CFAP221: variants seen among roughly 807,000 people sequenced by gnomAD.
The protein encoded by CFAP221 is cilia- and flagella-associated protein 221.
A neutral mutation model predicts 113.1 loss-of-function variants in CFAP221; 97 were observed. The observed-to-expected ratio is 0.86, with a 90% CI of 0.73 to 1.02. The LOEUF (loss-of-function observed/expected upper bound fraction) is 1.02, where lower values mean the gene tolerates loss of function less well. Ranked by LOEUF, CFAP221 falls within the 50% of genes least tolerant of loss-of-function variation. The pLI is 0.00. For missense variants in CFAP221, 1,025 were observed against 1,013.4 expected (o/e 1.01, Z -0.16); for synonymous variants, 331 against 354.4 (o/e 0.93, Z 0.74).
chr2:119,605,439 G>A, intron 11 of CFAP221, 150 bp downstream of exon 11: 1 of 672,482 alleles, frequency 1.5e-6, no homozygotes, highest in South Asian at 1.9e-5. Flanking sequence ...CCTTCAGTAG[G>A]AAGTTTCTAT....
rs578097222 is a variant in CFAP221 at position 119,615,700 on chromosome 2, A to G, written c.1401A>G (p.Val467=). Residue 467 remains valine (V), a synonymous_variant, in exon 14 of 24, where the codon GTA becomes GTG. Transcript: ENST00000413369. The part of the protein sequence containing the change: ...RSRAQKRFQQ[V]ARKVMIQGRL... ...GGGCACAAAAACGGTTTCAACAAGT[A>G]GCACGCAAGGTAAGTCTCAGCACCA... 6.2e-7 allele frequency: 1 copy of G among 1,609,796 alleles called. No homozygotes were observed. Among genetic ancestry groups the G allele is most frequent in the African/African-American group, 1.3e-5 (1 of 74,830 alleles).
chr2:119,634,107 C>T (rs977789599), intron 19 of CFAP221, among the ~76,000 whole-genome samples: 2 of 151,920 alleles, frequency 1.3e-5, no homozygotes, highest in Non-Finnish European at 2.9e-5. Flanking sequence ...GACCCTGTCT[C>T]GAATAATAAT....
At chr2:119,657,490 G>A (rs1205058885), downstream of CFAP221, among the ~76,000 whole-genome samples, 2 of 152,178 alleles carry the variant, frequency 1.3e-5, no homozygotes, top group African/African-American at 4.8e-5. Flanking sequence ...ATAAGCATCA[G>A]TCATTTTTTA....
intron 7 of CFAP221, among the ~76,000 whole-genome samples, chr2:119,595,471 G>C (rs893532401): frequency 4.6e-5 from 7 of 152,100 alleles, no homozygotes; most frequent in Middle Eastern, 3.4e-3. Context: ...TTTGAAGAAG[G>C]GTAGTTGAGC....
chr2:119,557,973 AAAAAGCACCCCTAGAGT>A (rs1056736275), intron 3 of CFAP221, among the ~76,000 whole-genome samples: 2 of 152,042 alleles, frequency 1.3e-5, no homozygotes, highest in Admixed American at 6.6e-5. Context: ...AAAAAAAAAA[AAAAAGCACCCCTAGAGT>A]GCAGATTGCT....
intron 12 of CFAP221, 61 bp from the exon 13 acceptor site, chr2:119,611,592 A>C: frequency 6.8e-7 from 1 of 1,464,406 alleles, no homozygotes. Flanking sequence ...ACAAGTTTTA[A>C]AGACAAATTG....
intron 3 of CFAP221, among the ~76,000 whole-genome samples, chr2:119,556,448 T>G (rs193032411): frequency 6.6e-6 from 1 of 152,314 alleles, no homozygotes. Context: ...AAGGTGGACA[T>G]GGGAAACTAT....
intron 14 of CFAP221, among the ~76,000 whole-genome samples, chr2:119,616,925 G>A (rs1007275681): frequency 6.6e-6 from 1 of 152,210 alleles, no homozygotes; most frequent in Non-Finnish European, 1.5e-5. Flanking sequence ...GGTGGGCAGG[G>A]CCACACTTGA....
chr2:119,607,623 A>G (rs1367563095), intron 11 of CFAP221, among the ~76,000 whole-genome samples: 1 of 152,184 alleles, frequency 6.6e-6, no homozygotes, highest in African/African-American at 2.4e-5. Context: ...GAACATAGGC[A>G]TCACTAGAAA....
At chr2:119,611,797 AT>A in intron 13 of CFAP221, 55 bp downstream of exon 13, 10 of 1,264,364 alleles carry the variant, frequency 7.9e-6, no homozygotes, top group African/African-American at 1.5e-5. Flanking sequence ...TTAAATGCTT[AT>A]TTTTTTGAAT....
intron 7 of CFAP221, among the ~76,000 whole-genome samples, chr2:119,595,144 GCTT>G (rs1683871095): frequency 6.6e-6 from 1 of 152,240 alleles, no homozygotes; most frequent in Admixed American, 6.5e-5. Flanking sequence ...CAGCCTAGCT[GCTT>G]CTTCAGCCCC....
chr2:119,617,917 G>C (rs1685636955), intron 14 of CFAP221, among the ~76,000 whole-genome samples: 1 of 152,132 alleles, frequency 6.6e-6, no homozygotes, highest in Non-Finnish European at 1.5e-5. Flanking sequence ...CTCTGCACTG[G>C]CTACCTCCTC....
At chr2:119,609,727 C>T (rs143998612) in intron 12 of CFAP221, among the ~76,000 whole-genome samples, 2 of 152,136 alleles carry the variant, frequency 1.3e-5, no homozygotes, top group Non-Finnish European at 2.9e-5. Flanking sequence ...CAATTCAACC[C>T]ATAACACAGA....
At chr2:119,550,710 A>T (rs1018481073) in intron 3 of CFAP221, among the ~76,000 whole-genome samples, 1 of 152,198 alleles carries the variant, frequency 6.6e-6, no homozygotes, top group Non-Finnish European at 1.5e-5. Context: ...CTTGCTCCTT[A>T]TGCTTTCTTT....
chr2:119,549,591 C>T (rs1276828066), intron 3 of CFAP221, among the ~76,000 whole-genome samples: 1 of 152,190 alleles, frequency 6.6e-6, no homozygotes, highest in African/African-American at 2.4e-5. Context: ...TGCTTAGTGT[C>T]AGAGGCAGAA....
intron 16 of CFAP221, among the ~76,000 whole-genome samples, chr2:119,628,076 C>A (rs1031415916): frequency 3.9e-5 from 6 of 152,154 alleles, no homozygotes; most frequent in African/African-American, 1.4e-4. Flanking sequence ...CGCCTGAGTG[C>A]AGAAGGGCAG....
chr2:119,650,205 T>C (rs898224024), intron 22 of CFAP221, among the ~76,000 whole-genome samples: 4 of 152,256 alleles, frequency 2.6e-5, no homozygotes, highest in African/African-American at 9.6e-5. Context: ...AAGTATATTT[T>C]TACAAGTAAG....
chr2:119,606,282 G>A lies in CFAP221; in HGVS notation c.1133+993G>A, dbSNP rs571614294. Reference sequence around the variant, plus strand: ...CCCAAAGTGCTGAGATTACAGGTACGAGTCCCCATGCCTGAGCTAAAGTAA... The same window carrying A: ...CCCAAAGTGCTGAGATTACAGGTACAAGTCCCCATGCCTGAGCTAAAGTAA... On this transcript the variant is annotated intron_variant, in intron 11 of 23. Coordinates refer to ENST00000413369, the MANE Select transcript of CFAP221 (RefSeq NM_001271049.2). Among the ~76,000 whole-genome samples the A allele has an allele frequency of 4.7e-4, 71 of 151,906 alleles. No homozygotes were observed. In the South Asian group the frequency reaches 0.013, roughly 28 times the overall value.
At chr2:119,644,232 T>C (rs954220555) in intron 21 of CFAP221, among the ~76,000 whole-genome samples, 1 of 152,156 alleles carries the variant, frequency 6.6e-6, no homozygotes, top group Non-Finnish European at 1.5e-5. Context: ...TCTACTGTCA[T>C]CACTATTTCA....
Sources: allele counts gnomAD v4.1 joint callset (sites outside exome capture counted in the v4.1 genomes callset), GRCh38; gene constraint gnomAD v4.1.1; transcripts MANE v1.5; gene names NCBI Gene and HGNC (gene_info 2026-07-23, HGNC 2026-07-21).